The following INPP5A variants were observed in gnomAD, a reference collection of about 807,000 sequenced individuals.
INPP5A encodes inositol polyphosphate-5-phosphatase A.
INPP5A carries 14 observed loss-of-function variants against 65.2 expected under a neutral mutation model. The observed-to-expected ratio is 0.21, with a 90% confidence interval of 0.14 to 0.34. The LOEUF is 0.34. Among genes scored for constraint, INPP5A ranks in the 10% least tolerant of loss-of-function variants. INPP5A has a pLI of 1.00. For synonymous variants in INPP5A, 207 were observed against 208.3 expected (o/e 0.99, Z 0.05); for missense variants, 431 against 545.6 (o/e 0.79, Z 2.09).
intron 1 of INPP5A, among the ~76,000 whole-genome samples, chr10:132,582,963 G>A (rs1267738504): frequency 6.6e-6 from 1 of 152,190 alleles, no homozygotes; most frequent in African/African-American, 2.4e-5. Flanking sequence ...GTCAATTTCT[G>A]CAGAGTGCCT....
chr10:132,758,138 C>T (rs1181899348), intron 11 of INPP5A, among the ~76,000 whole-genome samples: 1 of 120,274 alleles, frequency 8.3e-6, no homozygotes, highest in East Asian at 2.7e-4. Context: ...CAGGCCAGTG[C>T]GATGTTGTGG....
intron 9 of INPP5A, among the ~76,000 whole-genome samples, chr10:132,742,198 G>C (rs1220351948): frequency 6.6e-6 from 1 of 152,236 alleles, no homozygotes; most frequent in Non-Finnish European, 1.5e-5. Flanking sequence ...GTTCCTGATG[G>C]ATGAATCCAG....
chr10:132,682,957 A>G (rs549668586), intron 4 of INPP5A, among the ~76,000 whole-genome samples: 1 of 137,878 alleles, frequency 7.3e-6, no homozygotes, highest in South Asian at 2.5e-4. Flanking sequence ...AATGCTGTGT[A>G]TTATATACAT....
chr10:132,583,386 C>T (rs984163333), intron 1 of INPP5A, among the ~76,000 whole-genome samples: 3 of 152,268 alleles, frequency 2.0e-5, no homozygotes, highest in Admixed American at 2.0e-4. Flanking sequence ...AGGCTTGAGG[C>T]CGTTCCTTTC....
intron 2 of INPP5A, among the ~76,000 whole-genome samples, chr10:132,621,157 G>A (rs1236001806): frequency 6.6e-6 from 1 of 152,210 alleles, no homozygotes; most frequent in Non-Finnish European, 1.5e-5. Context: ...GAGCCCCACA[G>A]CTCATGCCAC....
At chr10:132,598,314 A>G (rs889742719) in intron 1 of INPP5A, among the ~76,000 whole-genome samples, 5 of 152,214 alleles carry the variant, frequency 3.3e-5, no homozygotes, top group African/African-American at 1.2e-4. Flanking sequence ...TGCATTCATA[A>G]TGTTGCATAA....
intron 1 of INPP5A, among the ~76,000 whole-genome samples, chr10:132,602,783 G>A (rs2071793561): frequency 6.6e-6 from 1 of 152,170 alleles, no homozygotes; most frequent in African/African-American, 2.4e-5. Flanking sequence ...CGGGCATCCT[G>A]GTGTTCCTGC....
rs1307203296 is a variant in INPP5A at position 132,719,407 on chromosome 10, G to C, written c.648-7414G>C. ...GTTCTGTGGTACCTGGGTTCTGTCT[G>C]GGCACCTTAGACGGCTGTCTTCAGG... is the stretch of plus-strand genomic sequence containing the variant. On this transcript the variant is annotated intron_variant, in intron 8 of 15. Coordinates refer to ENST00000368594, the MANE Select transcript of INPP5A (RefSeq NM_005539.5). Among the ~76,000 whole-genome samples the C allele has an allele frequency of 3.3e-5, 5 of 150,270 alleles. 1 individual carries two copies. Among genetic ancestry groups the C allele is most frequent in the Non-Finnish European group, 7.4e-5 (5 of 67,392 alleles).
At chr10:132,772,962 G>A (rs1205097929) in intron 12 of INPP5A, among the ~76,000 whole-genome samples, 4 of 152,330 alleles carry the variant, frequency 2.6e-5, no homozygotes, top group Admixed American at 6.5e-5. Flanking sequence ...GCGAGCCGCC[G>A]CTGCGCACAG....
chr10:132,691,993 A>G (rs558307394), intron 5 of INPP5A, among the ~76,000 whole-genome samples: 147 of 152,176 alleles, frequency 9.7e-4, no homozygotes, highest in African/African-American at 3.3e-3. Context: ...GATGCTGACG[A>G]TATTCTCAGT....
chr10:132,718,900 C>T (rs561607345), intron 8 of INPP5A, among the ~76,000 whole-genome samples: 7 of 146,882 alleles, frequency 4.8e-5, no homozygotes, highest in East Asian at 4.1e-4. Context: ...TCTGTCTGGA[C>T]GCCTTAGACG....
intron 1 of INPP5A, among the ~76,000 whole-genome samples, chr10:132,592,471 A>G (rs1314252322): frequency 6.6e-6 from 1 of 152,214 alleles, no homozygotes; most frequent in East Asian, 1.9e-4. Flanking sequence ...GCTGGAGTGC[A>G]GTGGCACGAC....
At chr10:132,732,795 C>T (rs759913769) in intron 9 of INPP5A, among the ~76,000 whole-genome samples, 1 of 152,182 alleles carries the variant, frequency 6.6e-6, no homozygotes, top group Non-Finnish European at 1.5e-5. Flanking sequence ...GCCGCAGACA[C>T]GTGCAGGCTC....
chr10:132,631,411 G>A (rs994456785), intron 2 of INPP5A, among the ~76,000 whole-genome samples: 4 of 152,254 alleles, frequency 2.6e-5, no homozygotes, highest in African/African-American at 9.6e-5. Flanking sequence ...AGGGTGGGCA[G>A]CGGGGATTTT....
At chr10:132,652,076 G>T (rs1011702494) in intron 4 of INPP5A, among the ~76,000 whole-genome samples, 17 of 149,858 alleles carry the variant, frequency 1.1e-4, no homozygotes, top group Non-Finnish European at 1.9e-4. Flanking sequence ...CTCCCTACCA[G>T]CTTCTTTCTC....
At chr10:132,760,144 T>C (rs1054903319) in intron 11 of INPP5A, among the ~76,000 whole-genome samples, 3 of 152,220 alleles carry the variant, frequency 2.0e-5, no homozygotes, top group Non-Finnish European at 4.4e-5. Context: ...TCTGCTCACA[T>C]GCCCAGCCTC....
intron 4 of INPP5A, among the ~76,000 whole-genome samples, chr10:132,655,935 A>C (rs1239176697): frequency 6.6e-6 from 1 of 152,212 alleles, no homozygotes; most frequent in Non-Finnish European, 1.5e-5. Context: ...AGTCCCATTG[A>C]AGCCTTGTGG....
intron 11 of INPP5A, among the ~76,000 whole-genome samples, chr10:132,757,083 T>C (rs1183212470): frequency 6.6e-6 from 1 of 152,260 alleles, no homozygotes; most frequent in African/African-American, 2.4e-5. Flanking sequence ...TGAAAAATGT[T>C]AAAGTTTATA....
Position 132,555,696 on chromosome 10 carries a change from C to G in INPP5A, c.75+17525C>G, listed in dbSNP as rs1050977821. 6.6e-6 allele frequency among the ~76,000 whole-genome samples: 1 copy of G among 152,094 alleles called. No individual in the cohort carries two copies. Among genetic ancestry groups the G allele is most frequent in the Non-Finnish European group, 1.5e-5 (1 of 68,026 alleles). ...AAAATGGTCTATGAACTTTGATAACCTTGACAATTTTAGTTTAGTTTTCGT... is the reference window on the plus strand; with the variant it reads ...AAAATGGTCTATGAACTTTGATAACGTTGACAATTTTAGTTTAGTTTTCGT... On this transcript the variant is annotated intron_variant, in intron 1 of 15. Coordinates refer to ENST00000368594, the MANE Select transcript of INPP5A (RefSeq NM_005539.5). The surrounding 1 kb of genome is among the most constrained non-coding windows in gnomAD (Gnocchi z 4.4).
Sources: gnomAD v4.1 joint callset for allele counts (sites outside exome capture counted in the v4.1 genomes callset) on GRCh38, gnomAD v4.1.1 for gene constraint, Gnocchi (gnomAD v3.1) non-coding constraint, MANE v1.5 for transcripts, NCBI Gene and HGNC (gene_info 2026-07-23, HGNC 2026-07-21) for gene names.